APOC1: variants seen among roughly 807,000 people sequenced by gnomAD.
APOC1 encodes the protein apolipoprotein C1, also known as apolipoprotein C-I.
In APOC1, 4 loss-of-function variants were observed where a neutral mutation model predicts 6.7. The ratio of observed to expected loss-of-function variants is 0.60; its 90% CI spans 0.29 to 1.37. The LOEUF (loss-of-function observed/expected upper bound fraction) is 1.37. APOC1 is among the 40% of genes most tolerant of loss of function. The pLI, the probability that APOC1 is intolerant of heterozygous loss-of-function variation, is 0.09. For missense variants in APOC1, 122 were observed against 99.4 expected (o/e 1.23, Z -0.97); for synonymous variants, 33 against 40.6 (o/e 0.81, Z 0.72).
chr19:44,917,835 G>A (rs527485312), intron 3 of APOC1, among the ~76,000 whole-genome samples: 10 of 152,046 alleles, frequency 6.6e-5, no homozygotes, highest in African/African-American at 1.9e-4. Context: ...TTAGCCGGGC[G>A]TGGTGGTGCA....
intron 3 of APOC1, among the ~76,000 whole-genome samples, chr19:44,917,407 C>T (rs1004743721): frequency 6.6e-6 from 1 of 150,824 alleles, no homozygotes; most frequent in Non-Finnish European, 1.5e-5. Flanking sequence ...GAACCCCGTC[C>T]CTAATAGAAA....
Position 44,914,710 on chromosome 19 carries a change from C to T in APOC1, c.-44C>T, listed in dbSNP as rs1969972109. On this transcript the variant is annotated 5_prime_UTR_variant, in exon 1 of 4. Coordinates refer to ENST00000592535, the MANE Select transcript of APOC1 (RefSeq NM_001645.5). ...CTGCGGGCAGGACAGGACCTCCCAACCAAGCCCTCCAGCAAGGATTCAGGT... is the reference window on the plus strand; with the variant it reads ...CTGCGGGCAGGACAGGACCTCCCAATCAAGCCCTCCAGCAAGGATTCAGGT... The T allele has an allele frequency of 1.6e-6, 1 of 613,076 alleles. No homozygotes were observed. The highest frequency in any genetic ancestry group is 2.9e-6 in the Non-Finnish European group (1 of 343,434). The allele number at this position is 613,076 out of a possible 1,614,324, so 38.0% of individuals were successfully genotyped here.
At position 44,919,161 on chromosome 19, in the gene APOC1, T is replaced by A; in HGVS notation, c.195-12T>A. 6.2e-7 allele frequency: 1 copy of A among 1,612,846 alleles called. No homozygotes were observed. Among genetic ancestry groups the A allele is most frequent in the Non-Finnish European group, 8.5e-7 (1 of 1,179,180 alleles). ...TGCACACAGTGACCCCCTTCCTTATTCCTCCCCACAGGGAGTGGTTTTCAG... is the reference window on the plus strand; with the variant it reads ...TGCACACAGTGACCCCCTTCCTTATACCTCCCCACAGGGAGTGGTTTTCAG... On this transcript the variant is annotated splice_polypyrimidine_tract_variant and intron_variant, in intron 3 of 3. Transcript: ENST00000592535.
At chr19:44,918,629 G>T (rs891785026) in intron 3 of APOC1, among the ~76,000 whole-genome samples, 1 of 151,750 alleles carries the variant, frequency 6.6e-6, no homozygotes, top group Non-Finnish European at 1.5e-5. Flanking sequence ...CACCCGCCTC[G>T]GCCTCCCAAA....
rs767985002 is a variant in APOC1 at position 44,914,882 on chromosome 19, C to A, written c.-10C>A. 5 of 1,613,616 alleles carry A rather than the reference C, an allele frequency of 3.1e-6. No individual in the cohort carries two copies. The highest frequency in any genetic ancestry group is 3.4e-6 in the Non-Finnish European group (4 of 1,179,788). On this transcript the variant is annotated 5_prime_UTR_variant, in exon 2 of 4. Coordinates refer to ENST00000592535, the MANE Select transcript of APOC1 (RefSeq NM_001645.5). ...TGCCTCTGCCTCCAGAGTGCCCCTC[C>A]GGCCTCGCCATGAGGCTCTTCCTGT...
intron 2 of APOC1, 171 bp downstream of exon 2, chr19:44,915,120 A>C: frequency 1.5e-6 from 1 of 674,530 alleles, no homozygotes. Flanking sequence ...TCAGTCCCGC[A>C]GGCGCCAAAT....
At chr19:44,916,414 A>T in intron 3 of APOC1, 89 bp downstream of exon 3, 1 of 1,559,996 alleles carries the variant, frequency 6.4e-7, no homozygotes, top group Non-Finnish European at 8.7e-7. Flanking sequence ...GATTGAAAAA[A>T]AAACAAGTCC....
chr19:44,916,136 C>CAAA (rs1568622066), intron 2 of APOC1, 54 bp from the exon 3 acceptor site: 6 of 370,778 alleles, frequency 1.6e-5, no homozygotes, highest in Non-Finnish European at 8.3e-6. Flanking sequence ...GACTCCATCT[C>CAAA]CAAAAAAAAA....
chr19:44,916,587 G>C, intron 3 of APOC1: 1 of 539,710 alleles, frequency 1.9e-6, no homozygotes, highest in East Asian at 3.3e-5. Flanking sequence ...GGAGGCCGAG[G>C]TGGGCTGATT....
intron 3 of APOC1, among the ~76,000 whole-genome samples, chr19:44,917,289 T>C (rs1415528035): frequency 1.3e-5 from 2 of 151,992 alleles, no homozygotes; most frequent in African/African-American, 4.8e-5. Context: ...ACTGTTTCAA[T>C]GTGGGGAATA....
At chr19:44,917,018 C>T (rs1029769047) in intron 3 of APOC1, among the ~76,000 whole-genome samples, 4 of 151,730 alleles carry the variant, frequency 2.6e-5, no homozygotes, top group Admixed American at 6.6e-5. Flanking sequence ...AATGAAGGCC[C>T]CAAGCTTGGC....
intron 3 of APOC1, among the ~76,000 whole-genome samples, chr19:44,917,315 T>G (rs1970026816): frequency 6.6e-6 from 1 of 151,412 alleles, no homozygotes; most frequent in Non-Finnish European, 1.5e-5. Context: ...GTGAAGAACG[T>G]GCCGAGCACG....
chr19:44,918,837 T>G (rs1970053614), intron 3 of APOC1: 1 of 282,790 alleles, frequency 3.5e-6, no homozygotes, highest in Non-Finnish European at 6.6e-6. Flanking sequence ...TTTTGTATTT[T>G]TAGTGAAGAT....
intron 2 of APOC1, chr19:44,915,167 A>C (rs1401824048): frequency 8.4e-6 from 5 of 592,256 alleles, no homozygotes; most frequent in Non-Finnish European, 6.1e-6. Flanking sequence ...TGACGTATTG[A>C]GGCCCACACC....
At chr19:44,914,823 G>T in intron 1 of APOC1, 49 bp from the exon 2 acceptor site, 1 of 1,486,556 alleles carries the variant, frequency 6.7e-7, no homozygotes, top group South Asian at 1.1e-5. Context: ...GGGAGGTAGG[G>T]AGGGAGGAGG....
At chr19:44,915,057 C>A in intron 2 of APOC1, 108 bp downstream of exon 2, 2 of 1,279,442 alleles carry the variant, frequency 1.6e-6, no homozygotes, top group Non-Finnish European at 2.2e-6. Flanking sequence ...GGGGCCCCTT[C>A]TGGGTCGTGG....
intron 3 of APOC1, chr19:44,918,803 G>C (rs923113526): frequency 4.6e-6 from 1 of 217,234 alleles, no homozygotes; most frequent in African/African-American, 2.3e-5. Flanking sequence ...GGAACTACAG[G>C]TGTGTGACAC....
intron 3 of APOC1, among the ~76,000 whole-genome samples, chr19:44,918,561 T>G (rs1970048310): frequency 6.6e-6 from 1 of 151,702 alleles, no homozygotes; most frequent in South Asian, 2.1e-4. Flanking sequence ...TAGAATTTAC[T>G]TAGTAGAATT....
At chr19:44,916,050 C>A (rs1408751665) in intron 2 of APOC1, 140 bp from the exon 3 acceptor site, 2 of 947,254 alleles carry the variant, frequency 2.1e-6, no homozygotes, top group Non-Finnish European at 3.0e-6. Flanking sequence ...GGCAGGAGAA[C>A]TGCTTGAACC....
Sources: gnomAD v4.1 joint callset for allele counts (sites outside exome capture counted in the v4.1 genomes callset) on GRCh38, gnomAD v4.1.1 for gene constraint, MANE v1.5 for transcripts, NCBI Gene and HGNC (gene_info 2026-07-23, HGNC 2026-07-21) for gene names.